The following HTR4 variants were observed in gnomAD, a reference collection of about 807,000 sequenced individuals.
HTR4 encodes 5-hydroxytryptamine (serotonin) receptor 4, G protein-coupled.
In HTR4, 16 loss-of-function variants were observed where a neutral mutation model predicts 36.8. The observed-to-expected ratio is 0.43, with a 90% CI of 0.29 to 0.66. The LOEUF (loss-of-function observed/expected upper bound fraction) is 0.66. Among genes scored for constraint, HTR4 ranks in the 30% least tolerant of loss-of-function variants. The pLI is 0.13. For missense variants in HTR4, 438 were observed against 490.9 expected, an observed-to-expected ratio of 0.89 and a Z score of 1.02; for synonymous variants, 189 against 185.1, an observed-to-expected ratio of 1.02 and a Z score of -0.17.
At chr5:148,529,543 T>A (rs571581992) in intron 4 of HTR4, among the ~76,000 whole-genome samples, 2 of 152,204 alleles carry the variant, frequency 1.3e-5, no homozygotes, top group Non-Finnish European at 2.9e-5. Flanking sequence ...CCCATCCACA[T>A]TGAACTGTGA....
rs1351683418 is a variant in HTR4 at position 148,482,308 on chromosome 5, A to T, written c.*895T>A. On this transcript the variant is annotated 3_prime_UTR_variant, in exon 7 of 7. Coordinates refer to ENST00000377888, the MANE Select transcript of HTR4 (RefSeq NM_000870.7). ...AAATGATATCACAAGTTCATGGGAA[A>T]GATCCTGAAGCCTAATAAACACCTA... is the stretch of plus-strand genomic sequence containing the variant. 1 of 985,398 alleles carries T rather than the reference A, an allele frequency of 1.0e-6. No homozygotes were observed. Among genetic ancestry groups the T allele is most frequent in the Admixed American group, 6.1e-5 (1 of 16,264 alleles). 61.0% of individuals were successfully genotyped at this position (985,398 alleles called of 1,614,324 possible).
chr5:148,528,696 T>C (rs190667076), intron 4 of HTR4, among the ~76,000 whole-genome samples: 110 of 152,254 alleles, frequency 7.2e-4, no homozygotes, highest in African/African-American at 2.6e-3. Context: ...TTTCAGTTCC[T>C]ATATTTGGAT....
At chr5:148,488,032 A>G (rs1327533814) in intron 6 of HTR4, among the ~76,000 whole-genome samples, 3 of 152,206 alleles carry the variant, frequency 2.0e-5, no homozygotes, top group Non-Finnish European at 2.9e-5. Flanking sequence ...TCATGTGATG[A>G]GAAATAGAAT....
chr5:148,464,672 G>T (rs182306952), intron 5 of HTR4, among the ~76,000 whole-genome samples: 2,301 of 151,276 alleles, frequency 0.015, 27 homozygotes, highest in Non-Finnish European at 0.023. Flanking sequence ...AACACAGTTT[G>T]TCTGTCTTTT....
chr5:148,607,486 T>A, intron 2 of HTR4, among the ~76,000 whole-genome samples: 1 of 152,200 alleles, frequency 6.6e-6, no homozygotes, highest in East Asian at 1.9e-4. Flanking sequence ...TTGTTGTTTT[T>A]ATACCCATCC....
At chr5:148,525,364 G>A (rs1454095135) in intron 4 of HTR4, among the ~76,000 whole-genome samples, 3 of 151,776 alleles carry the variant, frequency 2.0e-5, no homozygotes, top group Non-Finnish European at 2.9e-5. Context: ...TTGATTTCCT[G>A]TTAGGGGGCA....
intron 2 of HTR4, among the ~76,000 whole-genome samples, chr5:148,585,663 A>C (rs1319181372): frequency 6.6e-6 from 1 of 152,232 alleles, no homozygotes; most frequent in African/African-American, 2.4e-5. Flanking sequence ...TAGGTCACAC[A>C]GCAGTTAATG....
At chr5:148,556,788 A>G (rs1031420070) in intron 2 of HTR4, among the ~76,000 whole-genome samples, 2 of 152,160 alleles carry the variant, frequency 1.3e-5, no homozygotes, top group Non-Finnish European at 2.9e-5. Flanking sequence ...CCTGAGTCAC[A>G]GGTGGAGTAG....
chr5:148,575,555 G>T (rs1291211262), intron 2 of HTR4, among the ~76,000 whole-genome samples: 2 of 151,880 alleles, frequency 1.3e-5, no homozygotes, highest in East Asian at 3.9e-4. Flanking sequence ...GTATACACCT[G>T]CTACCCACTC....
At chr5:148,653,861 C>T (rs1307910926) in intron 1 of HTR4, among the ~76,000 whole-genome samples, 1 of 152,148 alleles carries the variant, frequency 6.6e-6, no homozygotes, top group Admixed American at 6.5e-5. Context: ...AGTGATCCCA[C>T]GCTGGAAACA....
chr5:148,573,033 A>G (rs1280052904), intron 2 of HTR4, among the ~76,000 whole-genome samples: 1 of 152,102 alleles, frequency 6.6e-6, no homozygotes, highest in African/African-American at 2.4e-5. Context: ...GGAAATGGAG[A>G]TCTCATTCGA....
At chr5:148,561,264 A>C (rs1457734235) in intron 2 of HTR4, among the ~76,000 whole-genome samples, 3 of 152,206 alleles carry the variant, frequency 2.0e-5, no homozygotes, top group Non-Finnish European at 4.4e-5. Context: ...CTCTGTACAG[A>C]GTATAATGGA....
downstream of HTR4, among the ~76,000 whole-genome samples, chr5:148,474,473 C>G (rs1371704776): frequency 2.0e-5 from 3 of 152,026 alleles, no homozygotes; most frequent in Non-Finnish European, 2.9e-5. Flanking sequence ...TGACGTAACC[C>G]CCCTAATGAC....
intron 5 of HTR4, among the ~76,000 whole-genome samples, chr5:148,515,108 T>A (rs897919878): frequency 7.2e-5 from 11 of 152,270 alleles, no homozygotes; most frequent in African/African-American, 2.6e-4. Flanking sequence ...CTTGTTTCCA[T>A]ATTTATTGCT....
intron 1 of HTR4, among the ~76,000 whole-genome samples, chr5:148,640,954 G>T (rs1753712606): frequency 6.6e-6 from 1 of 152,166 alleles, no homozygotes; most frequent in African/African-American, 2.4e-5. Flanking sequence ...CAACAAACCA[G>T]TGAGATAGCA....
chr5:148,487,001 G>T lies in HTR4; in HGVS notation c.1077-3708C>A, dbSNP rs976487370. Among the ~76,000 whole-genome samples, 3 of 152,130 alleles carry T rather than the reference G, an allele frequency of 2.0e-5. No individual in the cohort carries two copies. In the East Asian group the frequency reaches 5.8e-4, roughly 29 times the overall value. ...CCTGATGCAAAACATCATTTAAAAA[G>T]AATCTTTCTCCAATATTTTAACGGA... is the stretch of plus-strand genomic sequence containing the variant. On this transcript the variant is annotated intron_variant, in intron 6 of 6. Transcript: ENST00000377888.
intron 4 of HTR4, among the ~76,000 whole-genome samples, chr5:148,536,347 C>A (rs12153030): frequency 0.31 from 47,292 of 151,792 alleles, 7,702 homozygotes; most frequent in Non-Finnish European, 0.37. Flanking sequence ...TAATAACCAG[C>A]TAACAACACA....
chr5:148,457,957 A>AT (rs1284321778), intron 5 of HTR4, among the ~76,000 whole-genome samples: 2 of 130,358 alleles, frequency 1.5e-5, no homozygotes, highest in Non-Finnish European at 3.2e-5. Context: ...TATTAAATAT[A>AT]TATTAAAATA....
At chr5:148,508,013 A>G (rs192827971) in intron 6 of HTR4, among the ~76,000 whole-genome samples, 6 of 152,254 alleles carry the variant, frequency 3.9e-5, no homozygotes, top group Admixed American at 2.0e-4. Flanking sequence ...ACCAGCTGAA[A>G]CCACAACACC....
Sources: allele counts gnomAD v4.1 joint callset (sites outside exome capture counted in the v4.1 genomes callset), GRCh38; gene constraint gnomAD v4.1.1; transcripts MANE v1.5; gene names NCBI Gene and HGNC (gene_info 2026-07-23, HGNC 2026-07-21).